TBC1D9: variants seen among roughly 807,000 people sequenced by gnomAD.
The protein encoded by TBC1D9 is TBC1 domain family member 9A.
TBC1D9 carries 63 observed loss-of-function variants against 132.0 expected under a neutral mutation model. The observed-to-expected ratio is 0.48, with a 90% CI of 0.39 to 0.59. The LOEUF (loss-of-function observed/expected upper bound fraction) is 0.59. Among genes scored for constraint, TBC1D9 ranks in the 20% least tolerant of loss-of-function variants. The probability of loss-of-function intolerance (pLI) is 0.00; values close to 1 mark genes in which losing one functional copy is unlikely to be tolerated. For synonymous variants in TBC1D9, 610 were observed against 609.9 expected, an observed-to-expected ratio of 1.00 and a Z score of 0.00; for missense variants, 1,261 against 1,592.7, an observed-to-expected ratio of 0.79 and a Z score of 3.54.
intron 1 of TBC1D9, among the ~76,000 whole-genome samples, chr4:140,732,000 T>C (rs1445414954): frequency 6.6e-6 from 1 of 152,166 alleles, no homozygotes; most frequent in Non-Finnish European, 1.5e-5. Context: ...TGGAAGCCTG[T>C]GCCTTTCTGG....
At chr4:140,669,898 AT>A in intron 7 of TBC1D9, 94 bp from the exon 8 acceptor site, 42 of 1,251,380 alleles carry the variant, frequency 3.4e-5, no homozygotes, top group Middle Eastern at 5.8e-4. Flanking sequence ...AAGCTACATC[AT>A]TTTTTTCCCA....
chr4:140,731,743 T>C (rs1738594503), intron 1 of TBC1D9, among the ~76,000 whole-genome samples: 1 of 151,752 alleles, frequency 6.6e-6, no homozygotes. Context: ...AATCTGATCG[T>C]CACAAAAACT....
chr4:140,642,576 G>C, intron 13 of TBC1D9: 2 of 952,202 alleles, frequency 2.1e-6, no homozygotes, highest in South Asian at 1.5e-5. Context: ...CTTGCCAACT[G>C]CTCCTGGTCG....
chr4:140,638,548 G>C (rs1027162109), intron 15 of TBC1D9, among the ~76,000 whole-genome samples: 1 of 151,544 alleles, frequency 6.6e-6, no homozygotes, highest in African/African-American at 2.4e-5. Flanking sequence ...AAAGTTAGCC[G>C]GGTGTGGTGG....
intron 13 of TBC1D9, among the ~76,000 whole-genome samples, chr4:140,640,439 T>A (rs1736967082): frequency 6.3e-5 from 1 of 15,920 alleles, no homozygotes; most frequent in Non-Finnish European, 1.2e-4. Context: ...TATCTTAGGG[T>A]GGTGGGGTGG....
At chr4:140,634,775 G>A (rs1736851583) in intron 15 of TBC1D9, among the ~76,000 whole-genome samples, 1 of 152,114 alleles carries the variant, frequency 6.6e-6, no homozygotes, top group Non-Finnish European at 1.5e-5. Flanking sequence ...TAAGATCACA[G>A]TCACACAGTA....
chr4:140,667,216 C>A (rs948494570), intron 9 of TBC1D9, among the ~76,000 whole-genome samples: 7 of 152,268 alleles, frequency 4.6e-5, no homozygotes, highest in Non-Finnish European at 8.8e-5. Flanking sequence ...TCAGTTATCA[C>A]CCCAACAGAG....
At chr4:140,736,384 T>C (rs1456835811) in intron 1 of TBC1D9, among the ~76,000 whole-genome samples, 1 of 151,906 alleles carries the variant, frequency 6.6e-6, no homozygotes, top group African/African-American at 2.4e-5. Context: ...CTACTAAAAA[T>C]ACAAAAATTA....
intron 1 of TBC1D9, among the ~76,000 whole-genome samples, chr4:140,711,148 G>A (rs1472011433): frequency 6.6e-6 from 1 of 152,180 alleles, no homozygotes; most frequent in Non-Finnish European, 1.5e-5. Flanking sequence ...CCCCTCAAAA[G>A]GCGGGGGCTT....
chr4:140,690,747 A>G (rs952098017), intron 2 of TBC1D9, among the ~76,000 whole-genome samples: 2 of 152,084 alleles, frequency 1.3e-5, no homozygotes, highest in East Asian at 3.9e-4. Flanking sequence ...GGATTCTATG[A>G]CCAGTATAGC....
intron 3 of TBC1D9, among the ~76,000 whole-genome samples, chr4:140,683,317 C>T (rs1578838953): frequency 6.6e-6 from 1 of 152,268 alleles, no homozygotes; most frequent in East Asian, 1.9e-4. Flanking sequence ...AACAGTAAGG[C>T]TAATAGTCTC....
At chr4:140,753,422 G>A (rs1738955912) in intron 1 of TBC1D9, among the ~76,000 whole-genome samples, 1 of 152,150 alleles carries the variant, frequency 6.6e-6, no homozygotes, top group African/African-American at 2.4e-5. Flanking sequence ...GGGTTCCAGG[G>A]ATGGGAGGCA....
intron 13 of TBC1D9, among the ~76,000 whole-genome samples, chr4:140,649,081 C>A (rs1409404565): frequency 6.6e-6 from 1 of 152,208 alleles, no homozygotes; most frequent in African/African-American, 2.4e-5. Flanking sequence ...CAAGGTCAAG[C>A]TCAATCAAGT....
intron 1 of TBC1D9, among the ~76,000 whole-genome samples, chr4:140,711,622 A>C (rs1250670967): frequency 6.6e-6 from 1 of 152,234 alleles, no homozygotes; most frequent in Non-Finnish European, 1.5e-5. Flanking sequence ...ATAATTCTGA[A>C]TTCAAAATTA....
chr4:140,717,096 A>G (rs1311307345), intron 1 of TBC1D9, among the ~76,000 whole-genome samples: 1 of 152,222 alleles, frequency 6.6e-6, no homozygotes, highest in African/African-American at 2.4e-5. Context: ...ATTTTATGCC[A>G]GTGTTTCTCA....
intron 13 of TBC1D9, chr4:140,643,544 GTC>G (rs1737045740): frequency 2.2e-5 from 19 of 877,996 alleles, no homozygotes; most frequent in Non-Finnish European, 3.6e-6. Flanking sequence ...GCACGTCACA[GTC>G]TGACATTTCT....
intron 9 of TBC1D9, among the ~76,000 whole-genome samples, chr4:140,665,073 C>T (rs1361841079): frequency 1.3e-5 from 2 of 149,158 alleles, no homozygotes; most frequent in African/African-American, 5.0e-5. Flanking sequence ...TGCCATTGCA[C>T]TCCAGCCTGG....
At chr4:140,687,345 TATA>T (rs1560885831) in intron 2 of TBC1D9, among the ~76,000 whole-genome samples, 44 of 11,580 alleles carry the variant, frequency 3.8e-3, no homozygotes, top group African/African-American at 0.026. Flanking sequence ...GTGTGTGTCA[TATA>T]TATATATATA....
chr4:140,655,226 T>C (rs1737249456), intron 13 of TBC1D9, among the ~76,000 whole-genome samples: 1 of 152,196 alleles, frequency 6.6e-6, no homozygotes, highest in Non-Finnish European at 1.5e-5. Flanking sequence ...TGAACATGTA[T>C]TGCTTTTATG....
Sources: allele counts gnomAD v4.1 joint callset (sites outside exome capture counted in the v4.1 genomes callset), GRCh38; gene constraint gnomAD v4.1.1; transcripts MANE v1.5; gene names NCBI Gene and HGNC (gene_info 2026-07-23, HGNC 2026-07-21).